Variants in PARP8 observed in about 807,000 individuals in gnomAD.
The protein encoded by PARP8 is poly(ADP-ribose) polymerase family member 8, also known as protein mono-ADP-ribosyltransferase PARP8.
In PARP8, 51 loss-of-function variants were observed where a neutral mutation model predicts 124.1. The ratio of observed to expected loss-of-function variants is 0.41; its 90% CI spans 0.33 to 0.52. PARP8 has a LOEUF of 0.52. Ranked by LOEUF, PARP8 falls within the 20% of genes least tolerant of loss-of-function variation. The probability of loss-of-function intolerance (pLI) is 0.21; values close to 1 mark genes in which losing one functional copy is unlikely to be tolerated. For synonymous variants in PARP8, 391 were observed against 361.5 expected, an observed-to-expected ratio of 1.08 and a Z score of -0.93; for missense variants, 860 against 1,018.9, an observed-to-expected ratio of 0.84 and a Z score of 2.12.
rs767861860 is a variant in PARP8, at chr5:50,770,623, AGGAG to A, written c.518+7394_518+7397del. Reference sequence around the variant, plus strand: ...GAAAAAGAAAGGAAGGAAGGAAGGAAGGAGGGAGGGAGGGAGTAAGGAAGGGAGA... The same window carrying A: ...GAAAAAGAAAGGAAGGAAGGAAGGAAGGAGGGAGGGAGTAAGGAAGGGAGA... On this transcript the variant is annotated intron_variant, in intron 7 of 25. Coordinates refer to ENST00000281631, the MANE Select transcript of PARP8 (RefSeq NM_024615.4). 9.4e-4 allele frequency among the ~76,000 whole-genome samples: 143 copies of A among 151,638 alleles called. 2 individuals carry two copies. In the South Asian group the frequency reaches 0.021, roughly 22 times the overall value.
Position 50,845,823 on chromosome 5 carries a change from C to T in PARP8, c.*3755C>T, listed in dbSNP as rs1748568904. ...GGAGTTAAAGGATGAAAACACCCAACTGCTACACTGGAATGGCAGACTGGA... is the reference window on the plus strand; with the variant it reads ...GGAGTTAAAGGATGAAAACACCCAATTGCTACACTGGAATGGCAGACTGGA... On this transcript the variant is annotated 3_prime_UTR_variant, in exon 26 of 26. Transcript: ENST00000281631. 6.6e-6 allele frequency: 1 copy of T among 151,830 alleles called. No individual in the cohort carries two copies. Among genetic ancestry groups the T allele is most frequent in the Non-Finnish European group, 1.5e-5 (1 of 67,838 alleles). 9.4% of individuals were successfully genotyped at this position (151,830 alleles called of 1,614,324 possible).
intron 18 of PARP8, 92 bp from the exon 19 acceptor site, chr5:50,826,663 C>G: frequency 6.9e-7 from 1 of 1,444,100 alleles, no homozygotes. Context: ...TATGGCACAG[C>G]AAAAATAAGT....
At chr5:50,728,533 G>A (rs1176573368) in intron 2 of PARP8, among the ~76,000 whole-genome samples, 1 of 151,592 alleles carries the variant, frequency 6.6e-6, no homozygotes, top group Non-Finnish European at 1.5e-5. Flanking sequence ...GGAATCACAC[G>A]TTTAAATTAA....
intron 3 of PARP8, among the ~76,000 whole-genome samples, chr5:50,754,861 T>G (rs935994424): frequency 2.6e-4 from 40 of 152,310 alleles, no homozygotes; most frequent in African/African-American, 9.1e-4. Flanking sequence ...TCCTGACTTT[T>G]TAATGATCGC....
intron 15 of PARP8, among the ~76,000 whole-genome samples, chr5:50,819,736 C>A (rs1458718619): frequency 6.6e-6 from 1 of 152,018 alleles, no homozygotes; most frequent in Non-Finnish European, 1.5e-5. Flanking sequence ...TGAGCCACTG[C>A]GCCCAACAAG....
intron 15 of PARP8, among the ~76,000 whole-genome samples, chr5:50,817,661 T>A (rs1262147794): frequency 6.6e-6 from 1 of 152,192 alleles, no homozygotes; most frequent in Non-Finnish European, 1.5e-5. Flanking sequence ...CATCTAAGAT[T>A]TTTTTTAAAT....
chr5:50,810,081 A>G (rs1164242108), intron 14 of PARP8, among the ~76,000 whole-genome samples: 1 of 152,022 alleles, frequency 6.6e-6, no homozygotes, highest in Non-Finnish European at 1.5e-5. Context: ...TTAGTTGAAA[A>G]CTTCTAAAAT....
chr5:50,776,431 T>A (rs1740025994), intron 7 of PARP8, among the ~76,000 whole-genome samples: 1 of 152,210 alleles, frequency 6.6e-6, no homozygotes, highest in Non-Finnish European at 1.5e-5. Context: ...TTCCTTCCTC[T>A]TCAGATTTTT....
chr5:50,795,214 A>C lies in PARP8; in HGVS notation c.1225A>C (p.Arg409=), dbSNP rs1257639509. 40 of 1,614,110 alleles carry C rather than the reference A, an allele frequency of 2.5e-5. No homozygotes were observed. Among genetic ancestry groups the C allele is most frequent in the Non-Finnish European group, 3.4e-5 (40 of 1,180,040 alleles). The part of the protein sequence containing the change: ...TNLKPHKLLS[R]SYSSNLRMEE... ...CTTGAAGCCCCATAAACTGTTAAGC[A>C]GGTCTTACTCTAGTAATCTCAGAAT... Residue 409 remains arginine, a synonymous_variant, in exon 12 of 26, where the codon AGG becomes CGG. Transcript: ENST00000281631.
intron 2 of PARP8, among the ~76,000 whole-genome samples, chr5:50,691,861 G>A (rs1299988116): frequency 3.3e-5 from 5 of 152,128 alleles, no homozygotes. Flanking sequence ...AAACCTGGTG[G>A]CACCTAAGAT....
chr5:50,713,813 A>C (rs1331514387), intron 2 of PARP8, among the ~76,000 whole-genome samples: 1 of 152,052 alleles, frequency 6.6e-6, no homozygotes, highest in Non-Finnish European at 1.5e-5. Context: ...AAGGAAGCAG[A>C]GGGATAGAGT....
chr5:50,772,857 T>G lies in PARP8; in HGVS notation c.519-5212T>G, dbSNP rs533538659. On this transcript the variant is annotated intron_variant, in intron 7 of 25. Coordinates refer to ENST00000281631, the MANE Select transcript of PARP8 (RefSeq NM_024615.4). ...GGCTACAGGCGTGTGCCACCACACC[T>G]GGCTAATTTTTTTGAATTTTTATTA... Among the ~76,000 whole-genome samples, 207 of 152,100 alleles carry G rather than the reference T, an allele frequency of 1.4e-3. 1 individual carries two copies. The highest frequency in any genetic ancestry group is 4.9e-3 in the African/African-American group (205 of 41,494).
intron 2 of PARP8, among the ~76,000 whole-genome samples, chr5:50,674,753 G>A (rs550371541): frequency 3.1e-4 from 47 of 152,300 alleles, no homozygotes; most frequent in Non-Finnish European, 6.6e-4. Flanking sequence ...GCTGTGTAAA[G>A]TTTATTGATT....
Position 50,668,115 on chromosome 5 carries a change from G to T in PARP8, c.136G>T (p.Gly46Cys). The T allele has an allele frequency of 1.9e-6, 3 of 1,610,308 alleles. No individual in the cohort carries two copies. The highest frequency in any genetic ancestry group is 2.5e-6 in the Non-Finnish European group (3 of 1,178,582). ...DSTFTFTYVG[G>C]PRSVSYSVHV... Reference sequence around the variant, plus strand: ...CACCTTTACTTTTACCTACGTTGGCGGCCCCAGAAGGTATTTATGTGTATA... The same window carrying T: ...CACCTTTACTTTTACCTACGTTGGCTGCCCCAGAAGGTATTTATGTGTATA... The change falls in exon 2 of 26, where the codon GGC (glycine) becomes TGC (cysteine). Residue 46 changes from glycine (G) to cysteine (C), a missense_variant. Transcript: ENST00000281631.
chr5:50,738,321 T>C (rs1253234200), intron 2 of PARP8, among the ~76,000 whole-genome samples: 2 of 152,236 alleles, frequency 1.3e-5, no homozygotes, highest in Non-Finnish European at 2.9e-5. Context: ...TTGCAGTTTT[T>C]TCTTATGTAA....
intron 25 of PARP8, among the ~76,000 whole-genome samples, chr5:50,836,116 C>T (rs572571410): frequency 1.3e-5 from 2 of 152,214 alleles, no homozygotes; most frequent in South Asian, 4.1e-4. Context: ...TTACAAGCTG[C>T]CTGGTTTTCT....
intron 2 of PARP8, among the ~76,000 whole-genome samples, chr5:50,692,165 C>G (rs560962424): frequency 2.6e-5 from 4 of 152,124 alleles, no homozygotes; most frequent in Non-Finnish European, 5.9e-5. Flanking sequence ...GCTTAAAGCC[C>G]TTCCTTGTTA....
chr5:50,718,004 C>T (rs1032719446), intron 2 of PARP8, among the ~76,000 whole-genome samples: 18 of 151,620 alleles, frequency 1.2e-4, no homozygotes, highest in African/African-American at 4.1e-4. Flanking sequence ...AAGAAACGTT[C>T]GTAGGAAGTA....
rs7706006 is a variant in PARP8, at chr5:50,816,334, A to G, written c.1668+810A>G. Among the ~76,000 whole-genome samples the G allele has an allele frequency of 3.3e-4, 51 of 152,340 alleles. 1 individual carries two copies. In the East Asian group the frequency reaches 7.3e-3, roughly 22 times the overall value. Reference sequence around the variant, plus strand: ...AAATTGGTTTAGCGCTTTACCTTACACTGTGTGCAAAAACAGATTTCAGAT... The same window carrying G: ...AAATTGGTTTAGCGCTTTACCTTACGCTGTGTGCAAAAACAGATTTCAGAT... On this transcript the variant is annotated intron_variant, in intron 15 of 25. Transcript: ENST00000281631.
Sources: gnomAD v4.1 joint callset for allele counts (sites outside exome capture counted in the v4.1 genomes callset) on GRCh38, gnomAD v4.1.1 for gene constraint, MANE v1.5 for transcripts, NCBI Gene and HGNC (gene_info 2026-07-23, HGNC 2026-07-21) for gene names.